RIGI: variants seen among roughly 807,000 people sequenced by gnomAD.
RIGI encodes the protein RNA sensor RIG-I.
chr9:32,469,601 C>G, the RIGI span, among the ~76,000 whole-genome samples: 2 of 152,228 alleles, frequency 1.3e-5, no homozygotes, highest in Non-Finnish European at 2.9e-5. Context: ...ACACCCCCTT[C>G]TACTTAGACT....
the RIGI span, among the ~76,000 whole-genome samples, chr9:32,475,443 G>A: frequency 6.6e-6 from 1 of 152,174 alleles, no homozygotes; most frequent in African/African-American, 2.4e-5. Context: ...AGCATGGAAT[G>A]GGTGAAGAGG....
At chr9:32,461,453 T>C in the RIGI span, among the ~76,000 whole-genome samples, 1 of 152,238 alleles carries the variant, frequency 6.6e-6, no homozygotes, top group African/African-American at 2.4e-5. Context: ...TATCAGATTA[T>C]GCTTTCACGT....
chr9:32,499,312 A>ATTTTTTTT, the RIGI span, among the ~76,000 whole-genome samples: 2 of 32,322 alleles, frequency 6.2e-5, no homozygotes, highest in African/African-American at 2.6e-4. Context: ...AGAGTTTGTG[A>ATTTTTTTT]TTTGTTTTTT....
the RIGI span, among the ~76,000 whole-genome samples, chr9:32,497,479 G>A: frequency 1.3e-5 from 2 of 152,196 alleles, no homozygotes; most frequent in African/African-American, 2.4e-5. Context: ...TGGGCGCAGT[G>A]GCTCACGCCT....
chr9:32,489,604 T>C, the RIGI span, among the ~76,000 whole-genome samples: 1 of 152,104 alleles, frequency 6.6e-6, no homozygotes, highest in Non-Finnish European at 1.5e-5. Context: ...CATTCTAGCT[T>C]TTCCACTAAT....
At chr9:32,498,077 C>A in the RIGI span, among the ~76,000 whole-genome samples, 1 of 152,206 alleles carries the variant, frequency 6.6e-6, no homozygotes, top group Non-Finnish European at 1.5e-5. Context: ...TTCAACCAAC[C>A]TCCTGACTGC....
At chr9:32,459,904 C>T in the RIGI span, among the ~76,000 whole-genome samples, 1 of 152,180 alleles carries the variant, frequency 6.6e-6, no homozygotes, top group Non-Finnish European at 1.5e-5. Context: ...TTTGCAGGCA[C>T]AAACTCAGTG....
chr9:32,486,434 ACAGC>A, the RIGI span, among the ~76,000 whole-genome samples: 1 of 148,914 alleles, frequency 6.7e-6, no homozygotes, highest in Admixed American at 6.7e-5. Flanking sequence ...AGCCTGGGCA[ACAGC>A]ACGAGACTCT....
chr9:32,510,841 C>T, the RIGI span, among the ~76,000 whole-genome samples: 2 of 151,776 alleles, frequency 1.3e-5, no homozygotes, highest in Non-Finnish European at 2.9e-5. Flanking sequence ...TTCAGGAGAC[C>T]CATCTCACAT....
chr9:32,491,187 A>T, the RIGI span: 4 of 1,209,654 alleles, frequency 3.3e-6, no homozygotes, highest in Non-Finnish European at 3.5e-6. Context: ...TTACTTTCTT[A>T]ATTTTCCTTA....
chr9:32,524,108 C>G, the RIGI span, among the ~76,000 whole-genome samples: 1 of 152,090 alleles, frequency 6.6e-6, no homozygotes, highest in Non-Finnish European at 1.5e-5. Flanking sequence ...GACATCCCAG[C>G]TTTTTTCCAT....
the RIGI span, among the ~76,000 whole-genome samples, chr9:32,520,233 C>G: frequency 6.6e-6 from 1 of 151,876 alleles, no homozygotes; most frequent in Non-Finnish European, 1.5e-5. Context: ...CACTAGAATG[C>G]TAGCAGATAA....
chr9:32,458,079 G>A, the RIGI span, among the ~76,000 whole-genome samples: 1 of 152,166 alleles, frequency 6.6e-6, no homozygotes, highest in East Asian at 1.9e-4. Flanking sequence ...CCAAACAGCT[G>A]AGCTGATGAG....
the RIGI span, chr9:32,476,852 C>T: frequency 1.3e-6 from 1 of 781,396 alleles, no homozygotes. Flanking sequence ...GAACTCTTGG[C>T]CCCAAGCAAT....
chr9:32,459,981 A>G, the RIGI span, among the ~76,000 whole-genome samples: 5 of 139,616 alleles, frequency 3.6e-5, no homozygotes, highest in South Asian at 1.2e-3. Flanking sequence ...TCTCAACTTG[A>G]ATTGTATCTT....
chr9:32,477,043 C>T, the RIGI span: 4 of 1,614,086 alleles, frequency 2.5e-6, no homozygotes, highest in African/African-American at 5.3e-5. Context: ...TTAAGTGGTA[C>T]TCTTCTTGTA....
the RIGI span, chr9:32,487,530 A>G: frequency 1.9e-6 from 3 of 1,614,198 alleles, no homozygotes; most frequent in South Asian, 2.2e-5. Flanking sequence ...GACTGTTGCT[A>G]TCACTGACGC....
chr9:32,476,876 T>C, the RIGI span: 1 of 975,328 alleles, frequency 1.0e-6, no homozygotes, highest in Non-Finnish European at 1.5e-6. Flanking sequence ...CCTGCCTTGA[T>C]TTCCCAAACT....
chr9:32,490,165 G>A, the RIGI span, among the ~76,000 whole-genome samples: 1 of 152,114 alleles, frequency 6.6e-6, no homozygotes, highest in African/African-American at 2.4e-5. Flanking sequence ...CTTGAGGTCA[G>A]GAGTTCAAGA....
Sources: gnomAD v4.1 joint callset for allele counts (sites outside exome capture counted in the v4.1 genomes callset) on GRCh38, gnomAD v4.1.1 for gene constraint, MANE v1.5 for transcripts, NCBI Gene and HGNC (gene_info 2026-07-23, HGNC 2026-07-21) for gene names.